The following MEOX2 variants were observed in gnomAD, a reference collection of about 807,000 sequenced individuals.
MEOX2 encodes mesenchyme homeobox 2, also known as homeobox protein MOX-2.
MEOX2 carries 11 observed loss-of-function variants against 27.0 expected under a neutral mutation model. That is an observed-to-expected ratio of 0.41 (90% CI 0.26 to 0.68). The LOEUF is 0.68. Among genes scored for constraint, MEOX2 ranks in the 30% least tolerant of loss-of-function variants. The pLI is 0.33. For synonymous variants in MEOX2, 189 were observed against 155.4 expected, an observed-to-expected ratio of 1.22 and a Z score of -1.61; for missense variants, 436 against 385.4, an observed-to-expected ratio of 1.13 and a Z score of -1.10.
rs183681662 is a variant in MEOX2, at chr7:15,672,879, G to A, written c.517+13007C>T. Among the ~76,000 whole-genome samples the A allele has an allele frequency of 4.0e-3, 592 of 148,840 alleles. 5 individuals carry two copies. Among genetic ancestry groups the A allele is most frequent in the African/African-American group, 0.014 (577 of 40,332 alleles). On this transcript the variant is annotated intron_variant, in intron 1 of 2. Transcript: ENST00000262041. ...CGCACTCCAGCCTGGGCAACAGAGC[G>A]AGATTCTGTCTTGAAAAAAAAAAAA...
chr7:15,634,867 AG>A (rs1781457651), intron 1 of MEOX2, among the ~76,000 whole-genome samples: 1 of 151,992 alleles, frequency 6.6e-6, no homozygotes, highest in Non-Finnish European at 1.5e-5. Context: ...CTAACTTCAG[AG>A]GATTATCCAC....
chr7:15,639,141 AT>A (rs201320523), intron 1 of MEOX2, among the ~76,000 whole-genome samples: 2,577 of 151,812 alleles, frequency 0.017, 83 homozygotes, highest in African/African-American at 0.06. Flanking sequence ...ACCATCTGTT[AT>A]TTTTTTGACT....
intron 1 of MEOX2, among the ~76,000 whole-genome samples, chr7:15,641,405 G>A (rs550212565): frequency 1.4e-4 from 21 of 152,054 alleles, no homozygotes; most frequent in African/African-American, 4.8e-4. Context: ...TTGTTGGTTT[G>A]AAGTCTGTTT....
intron 1 of MEOX2, among the ~76,000 whole-genome samples, chr7:15,656,507 T>A (rs1212636335): frequency 6.6e-6 from 1 of 151,840 alleles, no homozygotes. Flanking sequence ...GTCTCATGTT[T>A]TTGAGTGTAT....
chr7:15,612,973 C>G (rs1422696440), intron 2 of MEOX2, among the ~76,000 whole-genome samples: 1 of 152,194 alleles, frequency 6.6e-6, no homozygotes, highest in Non-Finnish European at 1.5e-5. Flanking sequence ...CCCCCCACTC[C>G]TAAGTTCTTC....
chr7:15,641,082 T>G (rs2115370621), intron 1 of MEOX2, among the ~76,000 whole-genome samples: 1 of 152,248 alleles, frequency 6.6e-6, no homozygotes, highest in African/African-American at 2.4e-5. Context: ...TGGAATAATT[T>G]CAGTAAGTTG....
Position 15,665,041 on chromosome 7 carries a change from T to TCACACACA in MEOX2, c.517+20837_517+20844dup, listed in dbSNP as rs35772927. ...TGACAGATTTATTATTAAGTGGACA[T>TCACACACA]CACACACACACACACACACACACAC... On this transcript the variant is annotated intron_variant, in intron 1 of 2. Coordinates refer to ENST00000262041, the MANE Select transcript of MEOX2 (RefSeq NM_005924.5). 9.1e-3 allele frequency among the ~76,000 whole-genome samples: 1,291 copies of TCACACACA among 141,280 alleles called. 21 individuals are homozygous for TCACACACA. Among genetic ancestry groups the TCACACACA allele is most frequent in the African/African-American group, 0.03 (1,138 of 37,568 alleles). The allele number at this position is 141,280 out of a possible 152,430, so 92.7% of individuals were successfully genotyped here. A position where few individuals can be genotyped will look rare whatever the true frequency, so the allele number is the denominator to read the frequency against.
At position 15,611,460 on chromosome 7, in the gene MEOX2, GAAATA is replaced by G. The variant is rs1446353451; in HGVS notation, c.*922_*926del. ...ATATTCATACAGCTAATATTTTACA[GAAATA>G]AAATAAGACAATGTCTGTCATACAA... On this transcript the variant is annotated 3_prime_UTR_variant, in exon 3 of 3. Transcript: ENST00000262041. The G allele has an allele frequency of 1.3e-5, 2 of 152,522 alleles. No homozygotes were observed. Among genetic ancestry groups the G allele is most frequent in the East Asian group, 1.9e-4 (1 of 5,194 alleles). The allele number at this position is 152,522 out of a possible 1,614,324, so 9.4% of individuals were successfully genotyped here. A position where few individuals can be genotyped will look rare whatever the true frequency, so the allele number is the denominator to read the frequency against.
Position 15,612,540 on chromosome 7 carries a change from A to T in MEOX2, c.762T>A (p.Ala254=). 6.2e-7 allele frequency: 1 copy of T among 1,614,156 alleles called. No homozygotes were observed. The highest frequency in any genetic ancestry group is 8.5e-7 in the Non-Finnish European group (1 of 1,180,042). ...RVKGGQQGAA[A]REKELVNVKK... Reference sequence around the variant, plus strand: ...TCACATTCACCAGTTCCTTTTCCCGAGCCGCAGCTCCTTGCTGTCCACCCT... The same window carrying T: ...TCACATTCACCAGTTCCTTTTCCCGTGCCGCAGCTCCTTGCTGTCCACCCT... The change falls in exon 3 of 3, where the codon GCT becomes GCA. Residue 254 remains alanine (A), a synonymous_variant. Transcript: ENST00000262041.
intron 1 of MEOX2, chr7:15,680,196 G>C (rs1242153033): frequency 1.3e-5 from 2 of 151,720 alleles, no homozygotes; most frequent in African/African-American, 4.8e-5. Context: ...AATGTCAAGA[G>C]ATTTTAAATG....
chr7:15,655,005 T>C (rs912191387), intron 1 of MEOX2, among the ~76,000 whole-genome samples: 20 of 151,820 alleles, frequency 1.3e-4, no homozygotes, highest in African/African-American at 4.8e-4. Flanking sequence ...TGACATCATA[T>C]GGGCCTGTAT....
chr7:15,676,661 G>C (rs1341459238), intron 1 of MEOX2, among the ~76,000 whole-genome samples: 2 of 151,978 alleles, frequency 1.3e-5, no homozygotes, highest in African/African-American at 4.8e-5. Context: ...ACTTGAGGTA[G>C]GTAGTTCGAG....
At chr7:15,639,878 T>C (rs1781533785) in intron 1 of MEOX2, among the ~76,000 whole-genome samples, 2 of 152,178 alleles carry the variant, frequency 1.3e-5, no homozygotes, top group Admixed American at 1.3e-4. Flanking sequence ...TAGTACCCTT[T>C]GAAGTCAGGT....
intron 1 of MEOX2, among the ~76,000 whole-genome samples, chr7:15,645,220 C>T (rs1271132577): frequency 6.6e-6 from 1 of 152,152 alleles, no homozygotes; most frequent in Non-Finnish European, 1.5e-5. Context: ...ACAATCAATT[C>T]ACCAAAACAG....
At chr7:15,654,163 T>C (rs750300254) in intron 1 of MEOX2, among the ~76,000 whole-genome samples, 2 of 151,984 alleles carry the variant, frequency 1.3e-5, no homozygotes, top group Admixed American at 6.6e-5. Flanking sequence ...GGTTGAGCTA[T>C]TGGAGCTCGA....
At chr7:15,634,337 G>T (rs1781450307) in intron 1 of MEOX2, among the ~76,000 whole-genome samples, 1 of 151,800 alleles carries the variant, frequency 6.6e-6, no homozygotes, top group African/African-American at 2.4e-5. Context: ...AACATCCCTG[G>T]CTTCTACTCA....
chr7:15,628,499 C>T (rs965599342), intron 1 of MEOX2, among the ~76,000 whole-genome samples: 1 of 152,120 alleles, frequency 6.6e-6, no homozygotes, highest in Non-Finnish European at 1.5e-5. Flanking sequence ...TCACTGACCA[C>T]GTTTCTGGGC....
intron 2 of MEOX2, among the ~76,000 whole-genome samples, chr7:15,613,322 T>C (rs952874582): frequency 1.3e-5 from 2 of 151,700 alleles, no homozygotes; most frequent in Admixed American, 1.3e-4. Context: ...ATTTTCTTTT[T>C]AAAAGCTTCA....
chr7:15,633,286 A>G (rs1379741025), intron 1 of MEOX2, among the ~76,000 whole-genome samples: 2 of 151,876 alleles, frequency 1.3e-5, no homozygotes, highest in Non-Finnish European at 2.9e-5. Context: ...TGTGTCCCCC[A>G]TTCACCTCCT....
Sources: allele counts gnomAD v4.1 joint callset (sites outside exome capture counted in the v4.1 genomes callset), GRCh38; gene constraint gnomAD v4.1.1; transcripts MANE v1.5; gene names NCBI Gene and HGNC (gene_info 2026-07-23, HGNC 2026-07-21).